Variants in TSHZ2 observed in about 807,000 individuals in gnomAD.
TSHZ2 encodes teashirt homolog 2.
Under a neutral mutation model 74.4 loss-of-function variants are expected in TSHZ2, and 21 were observed. That is an observed-to-expected ratio of 0.28 (90% CI 0.20 to 0.41). TSHZ2 has a LOEUF of 0.41. TSHZ2 is among the 10% of genes least tolerant of loss of function. The probability of loss-of-function intolerance (pLI) is 1.00; values close to 1 mark genes in which losing one functional copy is unlikely to be tolerated. For synonymous variants in TSHZ2, 540 were observed against 515.3 expected (o/e 1.05, Z -0.65); for missense variants, 1,244 against 1,293.5 (o/e 0.96, Z 0.59).
chr20:53,120,910 T>C (rs1361995973), intron 1 of TSHZ2, among the ~76,000 whole-genome samples: 1 of 152,252 alleles, frequency 6.6e-6, no homozygotes, highest in Non-Finnish European at 1.5e-5. Context: ...AATCAAATCA[T>C]AGAAGATGTA....
chr20:53,278,367 C>T (rs1990986949), intron 2 of TSHZ2, among the ~76,000 whole-genome samples: 3 of 152,156 alleles, frequency 2.0e-5, no homozygotes, highest in Non-Finnish European at 4.4e-5. Flanking sequence ...GTCATCTCTC[C>T]TCACACTCTT....
intron 1 of TSHZ2, among the ~76,000 whole-genome samples, chr20:53,066,096 G>A (rs1490271635): frequency 4.6e-5 from 7 of 152,166 alleles, no homozygotes; most frequent in Non-Finnish European, 1.0e-4. Flanking sequence ...CAGCACGCAA[G>A]CATCTCCAGT....
At chr20:53,140,988 T>G (rs950983921) in intron 1 of TSHZ2, among the ~76,000 whole-genome samples, 4 of 151,844 alleles carry the variant, frequency 2.6e-5, no homozygotes, top group Non-Finnish European at 5.9e-5. Context: ...GAGAACTTTC[T>G]GGAGGTTCCT....
chr20:52,996,999 T>C (rs2122942292), intron 1 of TSHZ2, among the ~76,000 whole-genome samples: 1 of 151,960 alleles, frequency 6.6e-6, no homozygotes, highest in African/African-American at 2.4e-5. Flanking sequence ...TAAATTGAGC[T>C]CGCTCAAGCA....
At chr20:53,242,078 C>T (rs1990084829) in intron 1 of TSHZ2, among the ~76,000 whole-genome samples, 1 of 152,146 alleles carries the variant, frequency 6.6e-6, no homozygotes, top group South Asian at 2.1e-4. Flanking sequence ...GCATGAATGT[C>T]ACACTTACTT....
In TSHZ2 at chr20:53,492,442, A is replaced by G. The variant is rs1000023505; in HGVS notation, c.*5307A>G. The G allele has an allele frequency of 6.6e-6, 1 of 152,230 alleles. No individual in the cohort carries two copies. The highest frequency in any genetic ancestry group is 1.5e-5 in the Non-Finnish European group (1 of 68,036). The allele number at this position is 152,230 out of a possible 1,614,324, so 9.4% of individuals were successfully genotyped here. On this transcript the variant is annotated 3_prime_UTR_variant, in exon 3 of 3. Transcript: ENST00000371497. ...AGCTTTCGAACACCTCAGACACTAG[A>G]ATGTGTAATGCGAGTCAAAAAAGCT... is the stretch of plus-strand genomic sequence containing the variant.
chr20:53,242,882 G>A (rs1600762914), intron 1 of TSHZ2, among the ~76,000 whole-genome samples: 1 of 152,172 alleles, frequency 6.6e-6, no homozygotes, highest in Non-Finnish European at 1.5e-5. Context: ...AAGGTGGGCT[G>A]GGTATAGCAA....
chr20:53,177,918 G>A (rs565978424), intron 1 of TSHZ2, among the ~76,000 whole-genome samples: 17 of 152,186 alleles, frequency 1.1e-4, no homozygotes, highest in Admixed American at 6.5e-4. Flanking sequence ...AGTATCTCTC[G>A]CACTGCTTTG....
intron 1 of TSHZ2, among the ~76,000 whole-genome samples, chr20:53,176,099 G>A (rs1988330925): frequency 6.6e-6 from 1 of 152,182 alleles, no homozygotes; most frequent in Non-Finnish European, 1.5e-5. Flanking sequence ...CATTCACAAG[G>A]TGTTTGACAA....
chr20:53,479,302 T>TG (rs1986083565), intron 2 of TSHZ2, among the ~76,000 whole-genome samples: 1 of 151,362 alleles, frequency 6.6e-6, no homozygotes, highest in African/African-American at 2.4e-5. Context: ...CAGCTTGGGG[T>TG]GGGCCCTGTA....
At chr20:53,039,318 A>G (rs1983951037) in intron 1 of TSHZ2, among the ~76,000 whole-genome samples, 1 of 151,158 alleles carries the variant, frequency 6.6e-6, no homozygotes, top group South Asian at 2.1e-4. Context: ...AACTTTCCAC[A>G]CTCTTGTTGT....
At chr20:53,300,086 C>A (rs1279570065) in intron 2 of TSHZ2, among the ~76,000 whole-genome samples, 2 of 152,186 alleles carry the variant, frequency 1.3e-5, no homozygotes, top group Non-Finnish European at 2.9e-5. Flanking sequence ...GTGTTTATTT[C>A]TCTTAACAGA....
intron 2 of TSHZ2, among the ~76,000 whole-genome samples, chr20:53,260,235 A>G (rs902272390): frequency 1.3e-5 from 2 of 152,236 alleles, no homozygotes; most frequent in African/African-American, 4.8e-5. Flanking sequence ...CCTTGCAGCA[A>G]GCACTTTGCA....
chr20:53,348,633 G>A (rs1980532837), intron 2 of TSHZ2, among the ~76,000 whole-genome samples: 1 of 152,158 alleles, frequency 6.6e-6, no homozygotes, highest in South Asian at 2.1e-4. Context: ...CGCTGTATGT[G>A]AAAAATAGTT....
intron 1 of TSHZ2, among the ~76,000 whole-genome samples, chr20:53,144,060 G>A (rs1416310253): frequency 6.6e-6 from 1 of 152,158 alleles, no homozygotes; most frequent in Non-Finnish European, 1.5e-5. Context: ...GAGGCCACAA[G>A]ACCAGATGAG....
intron 1 of TSHZ2, among the ~76,000 whole-genome samples, chr20:53,103,365 A>G (rs1986272355): frequency 6.6e-6 from 1 of 152,220 alleles, no homozygotes; most frequent in African/African-American, 2.4e-5. Context: ...ACAACCTCTG[A>G]TGGTATGTTT....
intron 2 of TSHZ2, among the ~76,000 whole-genome samples, chr20:53,418,522 C>A (rs146427233): frequency 6.6e-6 from 1 of 152,102 alleles, no homozygotes; most frequent in Non-Finnish European, 1.5e-5. Context: ...TGGCGACAGA[C>A]GAGAAGAGAG....
At chr20:53,407,521 A>G (rs1446201894) in intron 2 of TSHZ2, among the ~76,000 whole-genome samples, 1 of 152,136 alleles carries the variant, frequency 6.6e-6, no homozygotes, top group Admixed American at 6.5e-5. Flanking sequence ...ATTCATTTCC[A>G]TGGAATCTCG....
intron 2 of TSHZ2, among the ~76,000 whole-genome samples, chr20:53,476,395 C>T (rs548696094): frequency 2.6e-5 from 4 of 151,660 alleles, no homozygotes; most frequent in South Asian, 4.2e-4. Context: ...ATAAACAGAG[C>T]CAAAGACAAA....
Sources: gnomAD v4.1 joint callset for allele counts (sites outside exome capture counted in the v4.1 genomes callset) on GRCh38, gnomAD v4.1.1 for gene constraint, MANE v1.5 for transcripts, NCBI Gene and HGNC (gene_info 2026-07-23, HGNC 2026-07-21) for gene names.